The following MID1 variants were observed in gnomAD, a reference collection of about 807,000 sequenced individuals.
The protein encoded by MID1 is midline 1.
MID1 carries 7 observed loss-of-function variants against 40.4 expected under a neutral mutation model. The observed-to-expected ratio is 0.17, with a 90% CI of 0.10 to 0.33. MID1 has a LOEUF of 0.33. MID1 is among the 10% of genes least tolerant of loss of function. MID1 has a pLI of 1.00. For synonymous variants in MID1, 229 were observed against 221.2 expected (o/e 1.04, Z -0.31); for missense variants, 367 against 558.5 (o/e 0.66, Z 3.46).
intron 6 of MID1, 87 bp downstream of exon 6, chrX:10,474,536 C>T (rs1929890415): frequency 3.0e-6 from 3 of 988,552 alleles, no homozygotes; most frequent in Non-Finnish European, 4.3e-6. Flanking sequence ...GCCCATTCCT[C>T]TGGTTATTGG....
At chrX:10,724,993 A>C (rs1442314599) in intron 1 of MID1, among the ~76,000 whole-genome samples, 1 of 112,276 alleles carries the variant, frequency 8.9e-6, no homozygotes, top group Non-Finnish European at 1.9e-5. Flanking sequence ...AGCTTTCTAA[A>C]GGTGTTGTTC....
At chrX:10,659,004 T>C (rs776101179) in intron 1 of MID1, among the ~76,000 whole-genome samples, 2 of 112,076 alleles carry the variant, frequency 1.8e-5, no homozygotes, top group East Asian at 5.6e-4. Flanking sequence ...GTGCTCACCT[T>C]TCATCACTCA....
At chrX:10,808,658 C>T (rs1476210437) in intron 1 of MID1, among the ~76,000 whole-genome samples, 1 of 110,980 alleles carries the variant, frequency 9.0e-6, no homozygotes, top group Non-Finnish European at 1.9e-5. Context: ...CTCTGACTGA[C>T]AAAAACAAGC....
intron 1 of MID1, among the ~76,000 whole-genome samples, chrX:10,791,669 A>G (rs1301556412): frequency 9.0e-6 from 1 of 111,455 alleles, no homozygotes; most frequent in African/African-American, 3.3e-5. Context: ...CAATCACCGA[A>G]GCCTGTAGCT....
chrX:10,505,945 T>C (rs1392127550), intron 3 of MID1: 27 of 753,452 alleles, frequency 3.6e-5, no homozygotes, highest in Non-Finnish European at 4.2e-5. Context: ...AAAATGAACA[T>C]TGGGTTTCTG....
chrX:10,546,171 T>C lies in MID1; in HGVS notation c.660+20717A>G, dbSNP rs1317776932. Among the ~76,000 whole-genome samples, 3 of 112,363 alleles carry C rather than the reference T, an allele frequency of 2.7e-5. No individual in the cohort carries two copies. The Admixed American group carries it at 2.8e-4, about 11-fold the overall frequency. ...AATGTTCTAGCATTACACTCTCTGA[T>C]TGTTGCCTTTTACTGCATGGAGTTT... On this transcript the variant is annotated intron_variant, in intron 2 of 9. Transcript: ENST00000317552.
chrX:10,730,353 A>G lies in MID1; in HGVS notation c.-187+103201T>C, dbSNP rs146195380. Among the ~76,000 whole-genome samples the G allele has an allele frequency of 5.4e-3, 602 of 110,795 alleles. 10 individuals are homozygous for G. Among genetic ancestry groups the G allele is most frequent in the African/African-American group, 0.018 (563 of 30,619 alleles). On this transcript the variant is annotated intron_variant, in intron 1 of 10. Transcript: ENST00000380785. The stretch of plus-strand genomic sequence containing the variant: ...TGCTTTTATAAGAAAAAAGCATCAA[A>G]TCAAAGTATGTGATGCCCAGATCAA...
intron 7 of MID1, among the ~76,000 whole-genome samples, chrX:10,466,143 T>C (rs184007032): frequency 2.7e-5 from 3 of 111,893 alleles, no homozygotes; most frequent in Non-Finnish European, 5.6e-5. Flanking sequence ...GAATCATCTC[T>C]CCATTTTCTA....
intron 1 of MID1, among the ~76,000 whole-genome samples, chrX:10,764,836 A>G (rs1478390985): frequency 1.8e-5 from 2 of 112,253 alleles, no homozygotes; most frequent in African/African-American, 6.5e-5. Flanking sequence ...GTTGGTGACC[A>G]TATTGGACAA....
intron 1 of MID1, among the ~76,000 whole-genome samples, chrX:10,823,347 CAAG>C (rs1420665963): frequency 9.0e-6 from 1 of 110,913 alleles, no homozygotes; most frequent in African/African-American, 3.3e-5. Flanking sequence ...TGGAGAGCAT[CAAG>C]AAGAATAGCT....
At chrX:10,550,998 G>A (rs924004458) in intron 2 of MID1, among the ~76,000 whole-genome samples, 17 of 111,504 alleles carry the variant, frequency 1.5e-4, no homozygotes, top group Non-Finnish European at 2.8e-4. Context: ...TAGGGGATTC[G>A]TTCCAGGACC....
intron 1 of MID1, among the ~76,000 whole-genome samples, chrX:10,737,728 T>A (rs1392639292): frequency 9.4e-6 from 1 of 106,006 alleles, no homozygotes; most frequent in African/African-American, 3.5e-5. Context: ...GGGAGGAAAG[T>A]GAAGGCTGGA....
chrX:10,703,190 A>T, intron 1 of MID1, among the ~76,000 whole-genome samples: 1 of 112,368 alleles, frequency 8.9e-6, no homozygotes, highest in East Asian at 2.8e-4. Flanking sequence ...AAAGTGTGCC[A>T]AGATTCAAGA....
chrX:10,565,100 C>G lies in MID1; in HGVS notation c.660+1788G>C. The G allele has an allele frequency of 1.5e-5, 5 of 328,376 alleles. No homozygotes were observed. The Middle Eastern group carries it at 2.2e-3, about 145-fold the overall frequency. 27.1% of individuals were successfully genotyped at this position (328,376 alleles called of 1,213,427 possible). A position where few individuals can be genotyped will look rare whatever the true frequency, so the allele number is the denominator to read the frequency against. On this transcript the variant is annotated intron_variant, in intron 2 of 9. Transcript: ENST00000317552. ...GCTCTAGAGGCACAGCTCATACATG[C>G]ATTGCCTTTGCTATGATTAACTTTG... is the stretch of plus-strand genomic sequence containing the variant.
At chrX:10,525,132 AATTT>A (rs1223168599) in intron 2 of MID1, among the ~76,000 whole-genome samples, 1 of 112,162 alleles carries the variant, frequency 8.9e-6, no homozygotes, top group Non-Finnish European at 1.9e-5. Flanking sequence ...TATGCTGTAA[AATTT>A]ATTTATGAAA....
At chrX:10,454,533 G>C (rs1928535970) in intron 9 of MID1, among the ~76,000 whole-genome samples, 1 of 112,084 alleles carries the variant, frequency 8.9e-6, no homozygotes, top group African/African-American at 3.2e-5. Flanking sequence ...TACAAAACCA[G>C]GTAGCAGGCC....
rs141630268 is a variant in MID1, at chrX:10,661,309, C to T, written c.-186-40890G>A. ...AGTTTTGCAAACTCTTGTGTGTCTCCAACTATTTCTTTTTTTTTTTTGAGA... is the reference window on the plus strand; with the variant it reads ...AGTTTTGCAAACTCTTGTGTGTCTCTAACTATTTCTTTTTTTTTTTTGAGA... On this transcript the variant is annotated intron_variant, in intron 1 of 10. Coordinates refer to the MID1 transcript ENST00000380785. Among the ~76,000 whole-genome samples, 385 of 105,784 alleles carry T rather than the reference C, an allele frequency of 3.6e-3. 5 individuals are homozygous for T. The highest frequency in any genetic ancestry group is 0.014 in the African/African-American group (368 of 26,792). 91.9% of individuals were successfully genotyped at this position (105,784 alleles called of 115,157 possible).
intron 1 of MID1, among the ~76,000 whole-genome samples, chrX:10,797,083 AT>A (rs34262622): frequency 0.062 from 6,873 of 110,145 alleles, 556 homozygotes; most frequent in African/African-American, 0.22. Context: ...CTATCAACAT[AT>A]TTTTTTTGCA....
chrX:10,558,477 T>G (rs941295450), intron 2 of MID1, among the ~76,000 whole-genome samples: 3 of 113,328 alleles, frequency 2.6e-5, no homozygotes, highest in African/African-American at 9.6e-5. Context: ...GTTTATTAAT[T>G]GTCACGTCTC....
Sources: allele counts gnomAD v4.1 joint callset (sites outside exome capture counted in the v4.1 genomes callset), GRCh38; gene constraint gnomAD v4.1.1; transcripts MANE v1.5; gene names NCBI Gene and HGNC (gene_info 2026-07-23, HGNC 2026-07-21).